POC1A: variants seen among roughly 807,000 people sequenced by gnomAD.
POC1A encodes the protein POC1 centriolar protein A.
Under a neutral mutation model 47.8 loss-of-function variants are expected in POC1A, and 34 were observed. The observed-to-expected ratio is 0.71, with a 90% CI of 0.54 to 0.95. POC1A has a LOEUF of 0.95. POC1A is among the 40% of genes least tolerant of loss of function. POC1A has a pLI of 0.00. For missense variants in POC1A, 466 were observed against 528.3 expected (o/e 0.88, Z 1.16); for synonymous variants, 177 against 207.6 (o/e 0.85, Z 1.27).
At chr3:52,085,158 G>A (rs961017544) in intron 10 of POC1A, among the ~76,000 whole-genome samples, 6 of 152,246 alleles carry the variant, frequency 3.9e-5, no homozygotes, top group East Asian at 1.9e-4. Context: ...GTTAGTCGGC[G>A]TACCATTGGC....
At chr3:52,132,959 T>C (rs1003166850) in intron 7 of POC1A, among the ~76,000 whole-genome samples, 7 of 151,878 alleles carry the variant, frequency 4.6e-5, no homozygotes, top group Non-Finnish European at 8.8e-5. Flanking sequence ...GGTGGGAGGA[T>C]TGTTTGAACC....
intron 9 of POC1A, among the ~76,000 whole-genome samples, chr3:52,109,607 G>A (rs1048144460): frequency 1.2e-4 from 18 of 152,252 alleles, no homozygotes; most frequent in African/African-American, 4.3e-4. Flanking sequence ...GGTGTCCTGG[G>A]ATTTGCAAGC....
chr3:52,102,307 C>T (rs1021478303), intron 9 of POC1A, among the ~76,000 whole-genome samples: 2 of 152,318 alleles, frequency 1.3e-5, no homozygotes, highest in East Asian at 3.9e-4. Flanking sequence ...TAAATTAATT[C>T]TCTCACAGTT....
At chr3:52,091,098 T>C (rs1025136765) in intron 10 of POC1A, among the ~76,000 whole-genome samples, 1 of 152,180 alleles carries the variant, frequency 6.6e-6, no homozygotes, top group East Asian at 1.9e-4. Context: ...CTCAGAAGAC[T>C]TGAGGTAGGC....
At chr3:52,097,731 C>T (rs148037972) in intron 9 of POC1A, among the ~76,000 whole-genome samples, 40 of 152,336 alleles carry the variant, frequency 2.6e-4, no homozygotes, top group Non-Finnish European at 5.0e-4. Flanking sequence ...ATGGTAGCTA[C>T]AGGAGAACTT....
At chr3:52,086,458 T>G (rs1702458866) in intron 10 of POC1A, among the ~76,000 whole-genome samples, 1 of 152,218 alleles carries the variant, frequency 6.6e-6, no homozygotes, top group Admixed American at 6.5e-5. Flanking sequence ...CTCTTTGCTG[T>G]GGGGTCTCAT....
Sources: allele counts gnomAD v4.1 joint callset (sites outside exome capture counted in the v4.1 genomes callset), GRCh38; gene constraint gnomAD v4.1.1; transcripts MANE v1.5; gene names NCBI Gene and HGNC (gene_info 2026-07-23, HGNC 2026-07-21).